ABCA9: variants seen among roughly 807,000 people sequenced by gnomAD.
ABCA9 encodes ATP binding cassette subfamily A member 9.
A neutral mutation model predicts 205.3 loss-of-function variants in ABCA9; 183 were observed. That is an observed-to-expected ratio of 0.89 (90% confidence interval 0.79 to 1.01). The LOEUF is 1.01. ABCA9 is among the 50% of genes least tolerant of loss of function. ABCA9 has a pLI of 0.00. For missense variants in ABCA9, 1,805 were observed against 1,912.4 expected (o/e 0.94, Z 1.05); for synonymous variants, 651 against 683.3 (o/e 0.95, Z 0.74).
intron 6 of ABCA9, among the ~76,000 whole-genome samples, chr17:69,040,532 C>T (rs2071497088): frequency 6.6e-6 from 1 of 152,138 alleles, no homozygotes; most frequent in South Asian, 2.1e-4. Context: ...GGGAGAGGAA[C>T]ATCACACACT....
chr17:68,992,158 G>T lies in ABCA9; in HGVS notation c.3716+17C>A, dbSNP rs529739909. On this transcript the variant is annotated intron_variant, in intron 28 of 38. Coordinates refer to ENST00000340001, the MANE Select transcript of ABCA9 (RefSeq NM_080283.4). ...AATATCAAAATGAAACATGAAATTCGATTTGATTTTCTCAACCTGAACACA... is the reference window on the plus strand; with the variant it reads ...AATATCAAAATGAAACATGAAATTCTATTTGATTTTCTCAACCTGAACACA... 3.3e-6 allele frequency: 5 copies of T among 1,501,722 alleles called. No homozygotes were observed. Among genetic ancestry groups the T allele is most frequent in the South Asian group, 2.5e-5 (2 of 79,048 alleles). The allele number at this position is 1,501,722 out of a possible 1,614,324, so 93.0% of individuals were successfully genotyped here. A position where few individuals can be genotyped will look rare whatever the true frequency, so the allele number is the denominator to read the frequency against.
chr17:68,992,295 A>T, intron 27 of ABCA9, 29 bp from the exon 28 acceptor site: 1 of 1,346,578 alleles, frequency 7.4e-7, no homozygotes, highest in African/African-American at 1.5e-5. Context: ...AATCACAATT[A>T]GTATCACTAT....
intron 25 of ABCA9, among the ~76,000 whole-genome samples, chr17:68,996,833 C>CCTTGACTTATATAGT (rs2069642129): frequency 6.6e-6 from 1 of 152,122 alleles, no homozygotes; most frequent in African/African-American, 2.4e-5. Context: ...ACTATATGGT[C>CCTTGACTTATATAGT]TTTACTTGAC....
chr17:69,048,360 A>G (rs1250092002), intron 3 of ABCA9, among the ~76,000 whole-genome samples: 2 of 152,200 alleles, frequency 1.3e-5, no homozygotes, highest in African/African-American at 2.4e-5. Flanking sequence ...CTCAACCTGT[A>G]TCATCCTCTA....
chr17:68,990,428 C>CT (rs1238200743), intron 29 of ABCA9, among the ~76,000 whole-genome samples: 1 of 152,242 alleles, frequency 6.6e-6, no homozygotes, highest in Admixed American at 6.5e-5. Flanking sequence ...GTCACCCAAA[C>CT]TAGGGTGCAA....
At chr17:69,016,123 TACACACAC>T in intron 22 of ABCA9, 122 bp downstream of exon 22, 2 of 106,450 alleles carry the variant, frequency 1.9e-5, no homozygotes, top group East Asian at 1.2e-4. Context: ...TATATATATA[TACACACAC>T]ACACACACAC....
At chr17:69,078,014 A>C in the ABCA9 span, among the ~76,000 whole-genome samples, 1 of 152,124 alleles carries the variant, frequency 6.6e-6, no homozygotes, top group Admixed American at 6.5e-5. Flanking sequence ...GATGACAAGG[A>C]AAATTAGCAC....
chr17:69,018,067 CT>C (rs753934667), intron 20 of ABCA9: 6 of 388,980 alleles, frequency 1.5e-5, no homozygotes, highest in African/African-American at 4.2e-5. Context: ...TATTAATAGT[CT>C]ATCTATCTTT....
At chr17:69,022,647 C>A (rs112815766) in intron 17 of ABCA9, among the ~76,000 whole-genome samples, 1 of 151,988 alleles carries the variant, frequency 6.6e-6, no homozygotes, top group South Asian at 2.1e-4. Context: ...GGATTACAGG[C>A]ATGGGCCACC....
intron 37 of ABCA9, among the ~76,000 whole-genome samples, chr17:68,981,325 TGAAAAAAAAAA>T (rs1010947383): frequency 6.6e-6 from 1 of 151,020 alleles, no homozygotes; most frequent in African/African-American, 2.4e-5. Context: ...GTATGTGATG[TGAAAAAAAAAA>T]GAAAAAAGAA....
Position 69,018,442 on chromosome 17 carries a change from A to AGAG in ABCA9, c.2735_2737dup (p.Pro912dup). Reference sequence around the variant, plus strand: ...CTTATTGATGACCAGTAAATGGGTCAGAGGATCCTGTGGTTGTTGTCCTGG... The same window carrying AGAG: ...CTTATTGATGACCAGTAAATGGGTCAGAGGAGGATCCTGTGGTTGTTGTCCTGG... On this transcript the variant is annotated inframe_insertion, in exon 20 of 39. Coordinates refer to ENST00000340001, the MANE Select transcript of ABCA9 (RefSeq NM_080283.4). 2 of 1,600,564 alleles carry AGAG rather than the reference A, an allele frequency of 1.2e-6. No individual in the cohort carries two copies. The highest frequency in any genetic ancestry group is 1.7e-6 in the Non-Finnish European group (2 of 1,175,970).
rs937550971 is a variant in ABCA9, at chr17:69,024,446, T to C, written c.2142-93A>G. On this transcript the variant is annotated intron_variant, in intron 16 of 38. Transcript: ENST00000340001. ...TAGTATGTGCTTGTCACTTTATTAA[T>C]ATTTATGAGACAAAAAAATGTGTAG... 1.7e-5 allele frequency: 21 copies of C among 1,242,318 alleles called. No homozygotes were observed. The African/African-American group carries it at 3.0e-4, about 18-fold the overall frequency. The allele number at this position is 1,242,318 out of a possible 1,614,324, so 77.0% of individuals were successfully genotyped here.
chr17:69,013,711 A>AGTTT (rs1726774287), intron 22 of ABCA9, among the ~76,000 whole-genome samples: 1 of 152,074 alleles, frequency 6.6e-6, no homozygotes, highest in Non-Finnish European at 1.5e-5. Context: ...CCTCCTGGGT[A>AGTTT]GTTTGGCCGG....
the ABCA9 span, among the ~76,000 whole-genome samples, chr17:69,074,404 C>G: frequency 3.9e-5 from 6 of 152,140 alleles, no homozygotes; most frequent in Non-Finnish European, 8.8e-5. Flanking sequence ...TTGCCTCCCT[C>G]CCTCGTCTGT....
At chr17:69,011,896 G>C in intron 23 of ABCA9, 80 bp downstream of exon 23, 1 of 829,884 alleles carries the variant, frequency 1.2e-6, no homozygotes, top group Non-Finnish European at 1.8e-6. Context: ...TTTACCACTT[G>C]CATGTAAATT....
In ABCA9 at chr17:69,012,318, G is replaced by A. The variant is rs138749545; in HGVS notation, c.3040-235C>T. The stretch of plus-strand genomic sequence containing the variant: ...AGAAGCAAATTCAACCAAGTGATAC[G>A]AATTGTCTAAGGTCATACAGTTAAT... On this transcript the variant is annotated intron_variant, in intron 22 of 38. Transcript: ENST00000340001. The A allele has an allele frequency of 1.6e-3, 721 of 443,176 alleles. 2 individuals are homozygous for A. Among genetic ancestry groups the A allele is most frequent in the African/African-American group, 0.011 (552 of 49,712 alleles). The allele number at this position is 443,176 out of a possible 1,614,324, so 27.5% of individuals were successfully genotyped here.
rs947525780 is a variant in ABCA9, at chr17:68,990,003, A to T, written c.3838-73T>A. ...TGAGAGGGTGTTCCACACTCTTGTC[A>T]CCAAACCTTTCCTTATAAAAAATCA... On this transcript the variant is annotated intron_variant, in intron 29 of 38. Coordinates refer to ENST00000340001, the MANE Select transcript of ABCA9 (RefSeq NM_080283.4). The T allele has an allele frequency of 8.6e-6, 9 of 1,045,242 alleles. 1 individual carries two copies. Among genetic ancestry groups the T allele is most frequent in the Non-Finnish European group, 1.3e-5 (9 of 699,572 alleles). 64.7% of individuals were successfully genotyped at this position (1,045,242 alleles called of 1,614,324 possible). A position where few individuals can be genotyped will look rare whatever the true frequency, so the allele number is the denominator to read the frequency against.
the ABCA9 span, among the ~76,000 whole-genome samples, chr17:69,077,447 G>A: frequency 6.6e-6 from 1 of 152,182 alleles, no homozygotes. Context: ...CTTGGAGTAT[G>A]TTCTGTGTGC....
chr17:69,055,520 C>T (rs2072041819), intron 1 of ABCA9, among the ~76,000 whole-genome samples: 1 of 152,112 alleles, frequency 6.6e-6, no homozygotes, highest in Non-Finnish European at 1.5e-5. Flanking sequence ...TGTCAAAATA[C>T]TGAGAGAACT....
Sources: allele counts gnomAD v4.1 joint callset (sites outside exome capture counted in the v4.1 genomes callset), GRCh38; gene constraint gnomAD v4.1.1; transcripts MANE v1.5; gene names NCBI Gene and HGNC (gene_info 2026-07-23, HGNC 2026-07-21).